UCHL5: variants seen among roughly 807,000 people sequenced by gnomAD.
UCHL5 encodes ubiquitin C-terminal hydrolase L5, also known as ubiquitin carboxyl-terminal hydrolase isozyme L5.
Under a neutral mutation model 53.8 loss-of-function variants are expected in UCHL5, and 34 were observed. That is an observed-to-expected ratio of 0.63 (90% CI 0.48 to 0.84). The LOEUF is 0.84. Ranked by LOEUF, UCHL5 falls within the 40% of genes least tolerant of loss-of-function variation. The probability of loss-of-function intolerance (pLI) is 0.00; values close to 1 mark genes in which losing one functional copy is unlikely to be tolerated. For missense variants in UCHL5, 290 were observed against 385.6 expected (o/e 0.75, Z 2.08); for synonymous variants, 111 against 126.3 (o/e 0.88, Z 0.81).
upstream of UCHL5, chr1:193,059,533 T>A (rs779889336): frequency 3.2e-6 from 5 of 1,562,512 alleles, no homozygotes; most frequent in Non-Finnish European, 4.3e-6. This position sits in a 1 kb window ranked among gnomAD's most constrained non-coding sequence, Gnocchi z 4.9. Context: ...GAAAGGGCGG[T>A]GATTCACAGC....
chr1:193,049,984 TC>T (rs761321920), intron 2 of UCHL5, 133 bp from the exon 3 acceptor site: 7 of 707,340 alleles, frequency 9.9e-6, no homozygotes, highest in Non-Finnish European at 1.6e-5. Flanking sequence ...TTTTAAAAGA[TC>T]ACTATTGCCA....
chr1:193,059,638 A>G, upstream of UCHL5: 2 of 1,395,442 alleles, frequency 1.4e-6, no homozygotes, highest in Non-Finnish European at 9.6e-7. This position sits in a 1 kb window ranked among gnomAD's most constrained non-coding sequence, Gnocchi z 4.9. Flanking sequence ...CGAACCTGGA[A>G]TCCCCGGCGG....
chr1:193,033,188 T>A, intron 3 of UCHL5, among the ~76,000 whole-genome samples: 1 of 152,166 alleles, frequency 6.6e-6, no homozygotes, highest in East Asian at 1.9e-4. Context: ...CATGGAATAC[T>A]ATGTGGCCAT....
chr1:193,057,904 G>A (rs1474925055), intron 1 of UCHL5, among the ~76,000 whole-genome samples: 2 of 152,162 alleles, frequency 1.3e-5, no homozygotes, highest in Non-Finnish European at 2.9e-5. Context: ...TCAATTATTC[G>A]AAACAGCAGT....
intron 1 of UCHL5, among the ~76,000 whole-genome samples, chr1:193,053,775 GA>G (rs1276307178): frequency 6.6e-6 from 1 of 152,110 alleles, no homozygotes; most frequent in African/African-American, 2.4e-5. Flanking sequence ...AAAAGTTGAG[GA>G]GGGGGGAAGG....
intron 3 of UCHL5, among the ~76,000 whole-genome samples, chr1:193,042,787 C>G (rs1277198266): frequency 2.6e-5 from 4 of 152,074 alleles, no homozygotes; most frequent in Non-Finnish European, 5.9e-5. Flanking sequence ...AAGATAAAGA[C>G]AAAAGTCTCA....
intron 10 of UCHL5, chr1:193,018,962 T>C (rs1655888226): frequency 5.2e-6 from 3 of 580,910 alleles, no homozygotes; most frequent in East Asian, 6.8e-5. Context: ...CTAATCTTTA[T>C]TCTAACAGTT....
At chr1:193,059,445 A>ATG (rs1225306146), upstream of UCHL5, 9 of 1,610,120 alleles carry the variant, frequency 5.6e-6, no homozygotes, top group Non-Finnish European at 7.6e-6. The surrounding 1 kb of genome is among the most constrained non-coding windows in gnomAD (Gnocchi z 4.9). Context: ...AGGACGCTCT[A>ATG]GCCACCCTAG....
intron 7 of UCHL5, 66 bp from the exon 8 acceptor site, chr1:193,024,012 T>A (rs1340046609): frequency 6.3e-6 from 7 of 1,111,072 alleles, no homozygotes; most frequent in Non-Finnish European, 9.0e-6. Context: ...GTTAAGATAA[T>A]CCATCGTGAT....
intron 3 of UCHL5, among the ~76,000 whole-genome samples, chr1:193,040,320 A>G (rs1362464215): frequency 6.6e-6 from 1 of 152,190 alleles, no homozygotes; most frequent in East Asian, 1.9e-4. Flanking sequence ...AAAAAATCAG[A>G]TTTAAAAATG....
intron 1 of UCHL5, among the ~76,000 whole-genome samples, chr1:193,053,349 T>C (rs1271568916): frequency 2.0e-5 from 3 of 152,132 alleles, no homozygotes; most frequent in African/African-American, 4.8e-5. Context: ...AAAGAAAAAG[T>C]ACGCTGAATA....
Position 193,016,259 on chromosome 1 carries a change from C to T in UCHL5, c.*92G>A. 2.1e-6 allele frequency: 3 copies of T among 1,460,710 alleles called. No homozygotes were observed. The highest frequency in any genetic ancestry group is 1.4e-5 in the African/African-American group (1 of 69,268). 90.5% of individuals were successfully genotyped at this position (1,460,710 alleles called of 1,614,324 possible). A position where few individuals can be genotyped will look rare whatever the true frequency, so the allele number is the denominator to read the frequency against. ...GCACTATTGCCAAACGTGCACTGAGCCAATTAGGATGTTGCTCTAAGTTCT... is the reference window on the plus strand; with the variant it reads ...GCACTATTGCCAAACGTGCACTGAGTCAATTAGGATGTTGCTCTAAGTTCT... On this transcript the variant is annotated 3_prime_UTR_variant, in exon 11 of 11. Coordinates refer to ENST00000367454, the MANE Select transcript of UCHL5 (RefSeq NM_001199261.3).
chr1:193,030,671 T>C (rs1661050116), intron 3 of UCHL5, among the ~76,000 whole-genome samples: 1 of 152,208 alleles, frequency 6.6e-6, no homozygotes, highest in Non-Finnish European at 1.5e-5. Flanking sequence ...TACTATATTG[T>C]AATTAGTCTT....
At chr1:193,024,251 A>T (rs975470257) in intron 7 of UCHL5, among the ~76,000 whole-genome samples, 1 of 151,858 alleles carries the variant, frequency 6.6e-6, no homozygotes, top group Non-Finnish European at 1.5e-5. Flanking sequence ...CTTAAAAAAA[A>T]AAACAAAAAA....
chr1:193,044,481 A>T (rs763934495), intron 3 of UCHL5, among the ~76,000 whole-genome samples: 5 of 152,136 alleles, frequency 3.3e-5, no homozygotes, highest in African/African-American at 4.8e-5. Flanking sequence ...GGATCCTTAT[A>T]TACAAATTGC....
upstream of UCHL5, chr1:193,059,973 A>G: frequency 7.3e-7 from 1 of 1,366,382 alleles, no homozygotes; most frequent in Non-Finnish European, 9.8e-7. This position sits in a 1 kb window ranked among gnomAD's most constrained non-coding sequence, Gnocchi z 4.9. Flanking sequence ...CGGTAGGGAC[A>G]TCCTCGCTAG....
chr1:193,028,037 T>C, intron 7 of UCHL5, 48 bp downstream of exon 7: 1 of 1,583,376 alleles, frequency 6.3e-7, no homozygotes, highest in Non-Finnish European at 8.5e-7. Context: ...GTTTAAAAAA[T>C]ACTTAAAAAA....
intron 10 of UCHL5, chr1:193,020,407 A>G (rs1208137936): frequency 6.5e-7 from 1 of 1,546,702 alleles, no homozygotes; most frequent in Non-Finnish European, 8.7e-7. Flanking sequence ...CAGTTGCATT[A>G]GAATCACTTG....
rs1654801701 is a variant in UCHL5, at chr1:193,015,764, T to C, written c.*587A>G. The C allele has an allele frequency of 6.6e-6, 1 of 152,074 alleles. No homozygotes were observed. The highest frequency in any genetic ancestry group is 1.9e-4 in the East Asian group (1 of 5,194). 9.4% of individuals were successfully genotyped at this position (152,074 alleles called of 1,614,324 possible). ...CCCCAAACACTTGAAGAAAATTTAC[T>C]AAAATAAAATTGAGATGTTTATTAC... On this transcript the variant is annotated 3_prime_UTR_variant, in exon 11 of 11. Transcript: ENST00000367454.
Sources: gnomAD v4.1 joint callset for allele counts (sites outside exome capture counted in the v4.1 genomes callset) on GRCh38, gnomAD v4.1.1 for gene constraint, Gnocchi (gnomAD v3.1) non-coding constraint, MANE v1.5 for transcripts, NCBI Gene and HGNC (gene_info 2026-07-23, HGNC 2026-07-21) for gene names.